Variants in GPC6 observed in about 807,000 individuals in gnomAD.
GPC6 encodes glypican 6, also known as glypican-6.
In GPC6, 14 loss-of-function variants were observed where a neutral mutation model predicts 55.2. That is an observed-to-expected ratio of 0.25 (90% CI 0.17 to 0.40). The LOEUF (loss-of-function observed/expected upper bound fraction) is 0.40. GPC6 is among the 10% of genes least tolerant of loss of function. The pLI, the probability that GPC6 is intolerant of heterozygous loss-of-function variation, is 1.00. For synonymous variants in GPC6, 278 were observed against 259.6 expected (o/e 1.07, Z -0.68); for missense variants, 641 against 708.5 (o/e 0.90, Z 1.08).
intron 1 of GPC6, among the ~76,000 whole-genome samples, chr13:93,363,666 G>A (rs1034103282): frequency 3.3e-5 from 5 of 151,578 alleles, no homozygotes; most frequent in South Asian, 4.2e-4. Context: ...GGGATGGCTG[G>A]GTCAAATGGT....
At chr13:94,191,707 C>G (rs1181124442) in intron 4 of GPC6, among the ~76,000 whole-genome samples, 1 of 152,114 alleles carries the variant, frequency 6.6e-6, no homozygotes, top group Non-Finnish European at 1.5e-5. Flanking sequence ...CTCCCAGCCC[C>G]AGCCTTTCCT....
intron 2 of GPC6, among the ~76,000 whole-genome samples, chr13:93,683,715 A>T (rs917005137): frequency 1.1e-4 from 16 of 152,206 alleles, no homozygotes; most frequent in African/African-American, 3.9e-4. Context: ...TTCTTTGTAG[A>T]TGAATGCTTT....
chr13:93,506,475 A>G (rs545478766), intron 1 of GPC6, among the ~76,000 whole-genome samples: 2 of 152,318 alleles, frequency 1.3e-5, no homozygotes, highest in Admixed American at 6.5e-5. Flanking sequence ...GAGGTAAAAG[A>G]TAACTCTTCC....
chr13:93,812,387 GA>G (rs1178731600), intron 2 of GPC6, among the ~76,000 whole-genome samples: 115 of 141,838 alleles, frequency 8.1e-4, no homozygotes, highest in Middle Eastern at 7.2e-3. Flanking sequence ...CTCTGTCTCG[GA>G]AAAAAAAAAA....
intron 1 of GPC6, among the ~76,000 whole-genome samples, chr13:93,443,325 C>T (rs1218732605): frequency 6.6e-6 from 1 of 152,054 alleles, no homozygotes; most frequent in Non-Finnish European, 1.5e-5. Flanking sequence ...TCTTTGCTAA[C>T]ATTAAAATAT....
At chr13:93,832,987 C>T (rs1887576381) in intron 3 of GPC6, among the ~76,000 whole-genome samples, 2 of 151,976 alleles carry the variant, frequency 1.3e-5, no homozygotes, top group South Asian at 4.1e-4. Context: ...GTTTCATCAT[C>T]ATCCCTAATC....
At chr13:94,237,761 G>A (rs1353751272) in intron 4 of GPC6, among the ~76,000 whole-genome samples, 4 of 152,154 alleles carry the variant, frequency 2.6e-5, no homozygotes, top group Non-Finnish European at 5.9e-5. Flanking sequence ...GGGTTTGTAA[G>A]CCAGCAGGAT....
intron 1 of GPC6, among the ~76,000 whole-genome samples, chr13:93,250,383 G>A (rs1006417709): frequency 6.6e-6 from 1 of 152,172 alleles, no homozygotes; most frequent in African/African-American, 2.4e-5. Context: ...TCTGGGGGTG[G>A]TATACTTTGT....
intron 2 of GPC6, among the ~76,000 whole-genome samples, chr13:93,797,487 C>G (rs1275104885): frequency 6.6e-6 from 1 of 152,078 alleles, no homozygotes; most frequent in Non-Finnish European, 1.5e-5. Context: ...TCTTCCAGAC[C>G]TAAGATTTTA....
intron 3 of GPC6, among the ~76,000 whole-genome samples, chr13:93,910,297 C>T (rs1054111733): frequency 6.6e-6 from 1 of 152,136 alleles, no homozygotes; most frequent in African/African-American, 2.4e-5. Flanking sequence ...CTCTTGCCCA[C>T]CACCATGTGA....
upstream of GPC6, among the ~76,000 whole-genome samples, chr13:93,223,723 C>A (rs571305769): frequency 6.1e-4 from 93 of 152,174 alleles, no homozygotes; most frequent in African/African-American, 2.0e-3. Context: ...GGATTACAGG[C>A]GTGAGCCACC....
intron 2 of GPC6, among the ~76,000 whole-genome samples, chr13:93,788,172 G>T (rs1314395491): frequency 6.6e-6 from 1 of 152,116 alleles, no homozygotes; most frequent in Non-Finnish European, 1.5e-5. Flanking sequence ...CAAGATCAAG[G>T]AGCCGGTAGG....
intron 2 of GPC6, among the ~76,000 whole-genome samples, chr13:93,788,732 A>G (rs1885893941): frequency 6.6e-6 from 1 of 152,092 alleles, no homozygotes; most frequent in Non-Finnish European, 1.5e-5. Flanking sequence ...GCAGGTAGGC[A>G]GGGCCAGAGA....
intron 4 of GPC6, among the ~76,000 whole-genome samples, chr13:94,152,155 T>C: frequency 6.6e-6 from 1 of 152,034 alleles, no homozygotes; most frequent in East Asian, 1.9e-4. Flanking sequence ...AGGTAATGAG[T>C]TTTGGAAGCT....
At chr13:93,923,880 C>A (rs1201957546) in intron 3 of GPC6, among the ~76,000 whole-genome samples, 1 of 152,152 alleles carries the variant, frequency 6.6e-6, no homozygotes, top group Admixed American at 6.5e-5. Context: ...ATTTATTACT[C>A]ATGATCTATC....
chr13:93,689,934 C>T (rs566246522), intron 2 of GPC6, among the ~76,000 whole-genome samples: 1 of 152,016 alleles, frequency 6.6e-6, no homozygotes, highest in Non-Finnish European at 1.5e-5. Flanking sequence ...ATAGTGAAAC[C>T]AGTATCTGTT....
intron 6 of GPC6, among the ~76,000 whole-genome samples, chr13:94,370,400 T>C (rs1253004868): frequency 6.6e-6 from 1 of 152,200 alleles, no homozygotes; most frequent in Non-Finnish European, 1.5e-5. Flanking sequence ...CCTTGTCTGT[T>C]ACCCCTACTA....
intron 1 of GPC6, among the ~76,000 whole-genome samples, chr13:93,378,954 C>A (rs1187175413): frequency 6.7e-6 from 1 of 149,660 alleles, no homozygotes; most frequent in African/African-American, 2.5e-5. Context: ...GAGATCATGC[C>A]ATTGCACTCC....
chr13:93,472,562 G>A (rs1279165373), intron 1 of GPC6, among the ~76,000 whole-genome samples: 3 of 152,210 alleles, frequency 2.0e-5, no homozygotes, highest in African/African-American at 7.2e-5. Context: ...ACTGGAAAAT[G>A]TGGGGGTGCC....
Sources: gnomAD v4.1 joint callset for allele counts (sites outside exome capture counted in the v4.1 genomes callset) on GRCh38, gnomAD v4.1.1 for gene constraint, MANE v1.5 for transcripts, NCBI Gene and HGNC (gene_info 2026-07-23, HGNC 2026-07-21) for gene names.